Variants in STARD9 observed in about 807,000 individuals in gnomAD.
STARD9 encodes the protein stAR-related lipid transfer protein 9.
STARD9 carries 346 observed loss-of-function variants against 399.8 expected under a neutral mutation model. The observed-to-expected ratio is 0.87, with a 90% CI of 0.79 to 0.95. The LOEUF (loss-of-function observed/expected upper bound fraction) is 0.95. Ranked by LOEUF, STARD9 falls within the 40% of genes least tolerant of loss-of-function variation. The pLI, the probability that STARD9 is intolerant of heterozygous loss-of-function variation, is 0.00. For missense variants in STARD9, 5,832 were observed against 5,667.5 expected (o/e 1.03, Z -0.93); for synonymous variants, 2,203 against 2,143.5 (o/e 1.03, Z -0.77).
At chr15:42,592,034 C>G (rs1395867996) in intron 3 of STARD9, among the ~76,000 whole-genome samples, 1 of 152,182 alleles carries the variant, frequency 6.6e-6, no homozygotes, top group African/African-American at 2.4e-5. Flanking sequence ...TCCACTAAAC[C>G]TCACTGACTC....
At position 42,717,744 on chromosome 15, in the gene STARD9, G is replaced by A. The variant is rs2061376162; in HGVS notation, c.13508G>A (p.Cys4503Tyr). ...DTSMADVMAACSDNLHNLFSC... is the reference protein window; with the variant it reads ...DTSMADVMAAYSDNLHNLFSC... The stretch of plus-strand genomic sequence containing the variant: ...TTGTGTCCCCAGGTAATGGCTGCTT[G>A]TTCGGATAATTTGCACAACCTCTTC... Residue 4503 changes from cysteine to tyrosine, a missense_variant, in exon 29 of 33, where the codon TGT (cysteine) becomes TAT (tyrosine). Coordinates refer to ENST00000290607, the MANE Select transcript of STARD9 (RefSeq NM_020759.3). The A allele has an allele frequency of 2.0e-6, 3 of 1,537,148 alleles. No homozygotes were observed. The highest frequency in any genetic ancestry group is 1.4e-5 in the African/African-American group (1 of 73,038).
rs189221462 is a variant in STARD9, at chr15:42,677,380, T to C, written c.1874+1405T>C. 2.4e-4 allele frequency among the ~76,000 whole-genome samples: 36 copies of C among 152,360 alleles called. 1 individual carries two copies. In the East Asian group the frequency reaches 6.7e-3, roughly 29 times the overall value. ...ACAGAAATTGCGTGAAGGATGATCC[T>C]AGTGTTGAGTAACTGAGAGCTCTAT... On this transcript the variant is annotated intron_variant, in intron 20 of 32. Transcript: ENST00000290607.
Position 42,689,350 on chromosome 15 carries a change from C to T in STARD9, c.7772C>T (p.Ala2591Val), listed in dbSNP as rs1435460005. 1 of 1,537,298 alleles carries T rather than the reference C, an allele frequency of 6.5e-7. No individual in the cohort carries two copies. Among genetic ancestry groups the T allele is most frequent in the Non-Finnish European group, 8.7e-7 (1 of 1,146,912 alleles). ...GAACCCGAATGTTCTTCAAGGGTTG[C>T]TGGCAGGCCTCAGTGTAAACAAATA... ...LLEPECSSRV[A>V]GRPQCKQIDQ... The change falls in exon 23 of 33, where the codon GCT (alanine) becomes GTT (valine). Residue 2591 changes from alanine (A) to valine (V), a missense_variant. Ala to Val is a moderately conservative substitution (Grantham distance 64). Transcript: ENST00000290607.
At chr15:42,655,927 C>G (rs149018034) in intron 9 of STARD9, among the ~76,000 whole-genome samples, 1 of 152,026 alleles carries the variant, frequency 6.6e-6, no homozygotes, top group Admixed American at 6.6e-5. Context: ...CATGAATAAA[C>G]AGTTCTCAAA....
chr15:42,619,712 G>A (rs1376126041), intron 3 of STARD9, among the ~76,000 whole-genome samples: 1 of 152,234 alleles, frequency 6.6e-6, no homozygotes, highest in African/African-American at 2.4e-5. Context: ...GAGAGTAGCT[G>A]TAAATACAGA....
At chr15:42,630,776 T>G (rs1419304754) in intron 3 of STARD9, among the ~76,000 whole-genome samples, 1 of 152,168 alleles carries the variant, frequency 6.6e-6, no homozygotes, top group Non-Finnish European at 1.5e-5. Context: ...TAATGCTTCC[T>G]TTTTCATTTC....
rs1321800769 is a variant in STARD9 at position 42,692,409 on chromosome 15, G to A, written c.10831G>A (p.Ala3611Thr). The A allele has an allele frequency of 2.0e-6, 3 of 1,536,974 alleles. No individual in the cohort carries two copies. Among genetic ancestry groups the A allele is most frequent in the South Asian group, 1.2e-5 (1 of 84,054 alleles). Residue 3611 changes from alanine to threonine, a missense_variant, in exon 23 of 33, where the codon GCT (alanine) becomes ACT (threonine). This residue lies in a region of STARD9 where 5,828 missense variants were observed against 5,651.1 expected (regional missense o/e 1.03). Transcript: ENST00000290607. ...TAAGCCCCCCTTGGCCAAAGGAAGT[G>A]CTGCAGGTCCAGTGGATGAGATTAT... is the stretch of plus-strand genomic sequence containing the variant. ...RSKPPLAKGS[A>T]AGPVDEIMLL...
chr15:42,706,531 A>G (rs1595815497), intron 26 of STARD9, among the ~76,000 whole-genome samples: 1 of 151,522 alleles, frequency 6.6e-6, no homozygotes. Flanking sequence ...GCTCACTGCA[A>G]CCTTCGCCTC....
intron 8 of STARD9, 29 bp downstream of exon 8, chr15:42,651,114 T>G (rs962742254): frequency 6.8e-7 from 1 of 1,460,984 alleles, no homozygotes. Context: ...TCTGTCATTC[T>G]TTTATCCTCA....
intron 3 of STARD9, among the ~76,000 whole-genome samples, chr15:42,597,784 G>A (rs1173627826): frequency 6.6e-6 from 1 of 151,898 alleles, no homozygotes; most frequent in East Asian, 1.9e-4. Context: ...TGATCTGCCC[G>A]ACTTAGCCTC....
chr15:42,669,485 C>T (rs1445765624), intron 16 of STARD9, 148 bp downstream of exon 16: 1 of 612,584 alleles, frequency 1.6e-6, no homozygotes, highest in Non-Finnish European at 2.7e-6. Flanking sequence ...CAGGAAACGT[C>T]TACCTGACAA....
rs2059475305 is a variant in STARD9, at chr15:42,638,839, G to C, written c.559+27G>C. On this transcript the variant is annotated intron_variant, in intron 7 of 32. Coordinates refer to ENST00000290607, the MANE Select transcript of STARD9 (RefSeq NM_020759.3). ...TGAGCTACTGTGGTCCTGGAGATCT[G>C]AAACCAAACTGAAGCCTGGGAAGCT... 2.9e-6 allele frequency: 4 copies of C among 1,363,268 alleles called. No homozygotes were observed. The African/African-American group carries it at 5.8e-5, about 20-fold the overall frequency. 84.4% of individuals were successfully genotyped at this position (1,363,268 alleles called of 1,614,324 possible).
intron 3 of STARD9, among the ~76,000 whole-genome samples, chr15:42,631,328 T>C (rs1219405409): frequency 6.6e-6 from 1 of 152,156 alleles, no homozygotes; most frequent in Admixed American, 6.6e-5. Flanking sequence ...ACACCTGTAG[T>C]CCTAGTACTT....
intron 26 of STARD9, among the ~76,000 whole-genome samples, chr15:42,710,047 C>G (rs1004216976): frequency 1.4e-5 from 2 of 148,080 alleles, no homozygotes; most frequent in African/African-American, 5.0e-5. Flanking sequence ...GTCCTTTTGA[C>G]ATGCCCTGTC....
chr15:42,702,156 A>G (rs1456850013), intron 26 of STARD9, among the ~76,000 whole-genome samples: 1 of 152,136 alleles, frequency 6.6e-6, no homozygotes, highest in Non-Finnish European at 1.5e-5. Context: ...TGATAATGTC[A>G]GTTACTAGTT....
intron 26 of STARD9, among the ~76,000 whole-genome samples, chr15:42,699,723 T>C (rs2060925267): frequency 6.6e-6 from 1 of 151,910 alleles, no homozygotes. Context: ...TTATTTATTT[T>C]TGAGGCAGAA....
intron 9 of STARD9, among the ~76,000 whole-genome samples, chr15:42,655,056 C>T (rs567999363): frequency 1.3e-5 from 2 of 152,156 alleles, no homozygotes; most frequent in East Asian, 1.9e-4. Flanking sequence ...CCGAGGCAGG[C>T]GGATCACTTG....
chr15:42,705,857 A>AT (rs1484120186), intron 26 of STARD9, among the ~76,000 whole-genome samples: 1 of 151,858 alleles, frequency 6.6e-6, no homozygotes, highest in East Asian at 1.9e-4. Context: ...GGTTCAAGCG[A>AT]TTCTCTTGTC....
At chr15:42,634,029 C>T (rs1289803768) in intron 3 of STARD9, among the ~76,000 whole-genome samples, 1 of 151,876 alleles carries the variant, frequency 6.6e-6, no homozygotes, top group Non-Finnish European at 1.5e-5. Context: ...GAGCATTGAG[C>T]TGTGCTTCCC....
Sources: gnomAD v4.1 joint callset for allele counts (sites outside exome capture counted in the v4.1 genomes callset) on GRCh38, gnomAD v4.1.1 for gene constraint, gnomAD v4.1.1 regional missense constraint, MANE v1.5 for transcripts, NCBI Gene and HGNC (gene_info 2026-07-23, HGNC 2026-07-21) for gene names.